ADGRL4: variants seen among roughly 807,000 people sequenced by gnomAD.
ADGRL4 encodes the protein EGF, latrophilin and seven transmembrane domain containing 1.
A neutral mutation model predicts 74.8 loss-of-function variants in ADGRL4; 90 were observed. That is an observed-to-expected ratio of 1.20 (90% CI 1.02 to 1.43). The LOEUF (loss-of-function observed/expected upper bound fraction) is 1.43. Among genes scored for constraint, ADGRL4 ranks in the 40% most tolerant of loss-of-function variants. The pLI is 0.00. For missense variants in ADGRL4, 881 were observed against 814.3 expected, an observed-to-expected ratio of 1.08 and a Z score of -1.00; for synonymous variants, 311 against 279.2, an observed-to-expected ratio of 1.11 and a Z score of -1.14.
chr1:78,947,722 G>A (rs140208022), intron 2 of ADGRL4, among the ~76,000 whole-genome samples: 2 of 152,248 alleles, frequency 1.3e-5, no homozygotes, highest in East Asian at 3.9e-4. Flanking sequence ...GGACAAAGTT[G>A]CAGGCAGAAA....
At chr1:78,936,773 G>T (rs1447873278) in intron 6 of ADGRL4, among the ~76,000 whole-genome samples, 5 of 152,106 alleles carry the variant, frequency 3.3e-5, no homozygotes, top group Admixed American at 3.3e-4. Flanking sequence ...TTAATTAAAC[G>T]TTTGAGTGAT....
chr1:78,940,093 A>G (rs994693836), intron 3 of ADGRL4, among the ~76,000 whole-genome samples: 1 of 152,158 alleles, frequency 6.6e-6, no homozygotes, highest in Non-Finnish European at 1.5e-5. Flanking sequence ...ATCATTGATG[A>G]TGTAACATTT....
intron 12 of ADGRL4, among the ~76,000 whole-genome samples, chr1:78,905,368 C>A (rs2130197): frequency 0.99 from 150,084 of 152,134 alleles, 74,071 homozygotes; most frequent in Middle Eastern, 1. Flanking sequence ...TATAAGAAGA[C>A]ATATTCATAA....
At chr1:78,937,124 C>G (rs888216880) in intron 6 of ADGRL4, among the ~76,000 whole-genome samples, 1 of 152,148 alleles carries the variant, frequency 6.6e-6, no homozygotes, top group African/African-American at 2.4e-5. Flanking sequence ...TATGAACATG[C>G]AAAGGATTCT....
chr1:78,988,872 C>T (rs1052194217), intron 2 of ADGRL4, among the ~76,000 whole-genome samples: 3 of 151,768 alleles, frequency 2.0e-5, no homozygotes, highest in African/African-American at 7.2e-5. Context: ...AATTTTCTTC[C>T]ATTTTTCCCA....
At chr1:78,914,533 T>G (rs1012787003) in intron 12 of ADGRL4, among the ~76,000 whole-genome samples, 2 of 151,844 alleles carry the variant, frequency 1.3e-5, no homozygotes, top group Non-Finnish European at 2.9e-5. Flanking sequence ...ATTTTGAACA[T>G]CTGATCATTT....
At chr1:78,971,499 G>C (rs1650165131) in intron 2 of ADGRL4, among the ~76,000 whole-genome samples, 1 of 152,020 alleles carries the variant, frequency 6.6e-6, no homozygotes, top group Non-Finnish European at 1.5e-5. Flanking sequence ...CCCCTGTTCT[G>C]GGGTATGGTA....
intron 2 of ADGRL4, among the ~76,000 whole-genome samples, chr1:78,951,496 G>A (rs1033917970): frequency 6.6e-6 from 1 of 152,056 alleles, no homozygotes; most frequent in Non-Finnish European, 1.5e-5. Flanking sequence ...ATATCTGTTG[G>A]CATTTTGTTT....
At chr1:78,910,595 T>G (rs1570219995) in intron 12 of ADGRL4, among the ~76,000 whole-genome samples, 1 of 151,992 alleles carries the variant, frequency 6.6e-6, no homozygotes, top group East Asian at 1.9e-4. Flanking sequence ...TAAATTATTT[T>G]TATGAACTCT....
At chr1:78,914,746 T>G (rs976561977) in intron 12 of ADGRL4, among the ~76,000 whole-genome samples, 5 of 151,832 alleles carry the variant, frequency 3.3e-5, no homozygotes, top group Admixed American at 1.3e-4. Context: ...TCCAGATACT[T>G]GAAGCGTATG....
At chr1:78,927,553 T>A (rs1343706480) in intron 7 of ADGRL4, among the ~76,000 whole-genome samples, 1 of 152,088 alleles carries the variant, frequency 6.6e-6, no homozygotes. Flanking sequence ...TGAGTTCAAA[T>A]GTATGCCCAC....
intron 2 of ADGRL4, among the ~76,000 whole-genome samples, chr1:78,958,773 T>C (rs1276456577): frequency 1.3e-5 from 2 of 152,234 alleles, no homozygotes; most frequent in Non-Finnish European, 2.9e-5. Context: ...CTGACTCCAA[T>C]TTTAAAAGAT....
At chr1:78,968,493 T>A (rs1650100815) in intron 2 of ADGRL4, among the ~76,000 whole-genome samples, 3 of 2,030 alleles carry the variant, frequency 1.5e-3, no homozygotes, top group African/African-American at 4.5e-3. Flanking sequence ...TCTACTGGGG[T>A]GGAGGGCGGT....
chr1:78,974,859 G>C lies in ADGRL4; in HGVS notation c.173-28433C>G, dbSNP rs544091850. ...CATTGGGCCCATTTAGATAATTCAGGATAATCGACTATTTTGAGGTCACAT... is the reference window on the plus strand; with the variant it reads ...CATTGGGCCCATTTAGATAATTCAGCATAATCGACTATTTTGAGGTCACAT... On this transcript the variant is annotated intron_variant, in intron 2 of 14. Coordinates refer to ENST00000370742, the MANE Select transcript of ADGRL4 (RefSeq NM_022159.4). 4.7e-4 allele frequency among the ~76,000 whole-genome samples: 72 copies of C among 152,054 alleles called. 2 individuals are homozygous for C. Among genetic ancestry groups the C allele is most frequent in the Non-Finnish European group, 3.4e-4 (23 of 67,986 alleles).
rs551133191 is a variant in ADGRL4 at position 78,892,963 on chromosome 1, C to T, written c.1841+135G>A. 620 of 596,190 alleles carry T rather than the reference C, an allele frequency of 1.0e-3. 1 individual carries two copies. The highest frequency in any genetic ancestry group is 9.3e-3 in the Middle Eastern group (21 of 2,246). 36.9% of individuals were successfully genotyped at this position (596,190 alleles called of 1,614,324 possible). On this transcript the variant is annotated intron_variant, in intron 13 of 14. Transcript: ENST00000370742. ...AATATACATACTAAATGCTATTTTC[C>T]GATGCGTCTTTTAAATATGGTAAAG...
At chr1:78,975,779 A>G (rs950235382) in intron 2 of ADGRL4, among the ~76,000 whole-genome samples, 2 of 151,906 alleles carry the variant, frequency 1.3e-5, no homozygotes, top group South Asian at 2.1e-4. Context: ...GCAACCTAGT[A>G]TTTAGAATAA....
intron 8 of ADGRL4, among the ~76,000 whole-genome samples, chr1:78,925,447 C>T (rs1317203652): frequency 6.6e-6 from 1 of 151,958 alleles, no homozygotes; most frequent in African/African-American, 2.4e-5. Flanking sequence ...ACTATAATTA[C>T]TGTTACTATT....
intron 2 of ADGRL4, among the ~76,000 whole-genome samples, chr1:79,003,031 A>T (rs1419588525): frequency 6.6e-6 from 1 of 152,048 alleles, no homozygotes; most frequent in East Asian, 1.9e-4. Context: ...GGACAGAAAA[A>T]AGAAAACAAA....
intron 2 of ADGRL4, among the ~76,000 whole-genome samples, chr1:78,963,083 A>G (rs1338286248): frequency 6.6e-6 from 1 of 152,236 alleles, no homozygotes; most frequent in Non-Finnish European, 1.5e-5. Context: ...TTGTATTTTC[A>G]GAAATTGCTG....
Sources: gnomAD v4.1 joint callset for allele counts (sites outside exome capture counted in the v4.1 genomes callset) on GRCh38, gnomAD v4.1.1 for gene constraint, MANE v1.5 for transcripts, NCBI Gene and HGNC (gene_info 2026-07-23, HGNC 2026-07-21) for gene names.